Variants in GRM8 observed in about 807,000 individuals in gnomAD.
GRM8 encodes metabotropic glutamate receptor 8.
A neutral mutation model predicts 87.2 loss-of-function variants in GRM8; 47 were observed. That is an observed-to-expected ratio of 0.54 (90% CI 0.43 to 0.69). The LOEUF is 0.69. GRM8 is among the 30% of genes least tolerant of loss of function. GRM8 has a pLI of 0.00. For missense variants in GRM8, 1,019 were observed against 1,139.2 expected (o/e 0.89, Z 1.52); for synonymous variants, 396 against 404.5 (o/e 0.98, Z 0.25).
chr7:127,243,004 C>T lies in GRM8; in HGVS notation c.201G>A (p.Leu67=). ...KGERGVPCGE[L]KKEKGIHRLE... is the part of the protein sequence containing the mutation. ...GTCTGTGAATCCCCTTTTCCTTCTT[C>T]AGCTCCCCACAAGGCACCCCTCTCT... Residue 67 remains leucine, a synonymous_variant, in exon 2 of 11, where the codon CTG becomes CTA. Coordinates refer to ENST00000339582, the MANE Select transcript of GRM8 (RefSeq NM_000845.3). 6.2e-7 allele frequency: 1 copy of T among 1,614,094 alleles called. No individual in the cohort carries two copies. The highest frequency in any genetic ancestry group is 2.2e-5 in the East Asian group (1 of 44,878).
intron 7 of GRM8, among the ~76,000 whole-genome samples, chr7:126,748,561 A>G (rs1815987728): frequency 6.6e-6 from 1 of 151,098 alleles, no homozygotes. Context: ...CTCCAAATCT[A>G]TAGATTCAAT....
intron 2 of GRM8, among the ~76,000 whole-genome samples, chr7:127,224,494 A>G (rs764621762): frequency 6.6e-6 from 1 of 152,218 alleles, no homozygotes; most frequent in Non-Finnish European, 1.5e-5. Context: ...AAGAAAAACT[A>G]AGAGGATTTG....
Position 127,252,723 on chromosome 7 carries a change from A to C in GRM8, c.-312+74T>G, listed in dbSNP as rs1160044594. ...GGCGTTTTGGGGAAGTTTGGGGGCC[A>C]GGGGCTTTTTGTCCCGTGGTTCGGC... On this transcript the variant is annotated intron_variant, in intron 1 of 10. Coordinates refer to ENST00000339582, the MANE Select transcript of GRM8 (RefSeq NM_000845.3). This position sits in a 1 kb window ranked among gnomAD's most constrained non-coding sequence, Gnocchi z 4.9. The C allele has an allele frequency of 1.3e-5, 2 of 154,100 alleles. No individual in the cohort carries two copies. Among genetic ancestry groups the C allele is most frequent in the African/African-American group, 4.8e-5 (2 of 41,466 alleles). The allele number at this position is 154,100 out of a possible 1,614,324, so 9.5% of individuals were successfully genotyped here. A position where few individuals can be genotyped will look rare whatever the true frequency, so the allele number is the denominator to read the frequency against.
In GRM8 at chr7:126,439,129, T is replaced by G. The variant is rs1563006257; in HGVS notation, c.2717A>C (p.His906Pro). ...TGCCATTTCCCTGTTTCAGATTGAA[T>G]GATTGCTGTAACTGATATATGTTGT... ...TKTTYISYSN[H>P]SI The change falls in exon 11 of 11, where the codon CAT becomes CCT. Residue 906 changes from histidine to proline, a missense_variant. His to Pro is a moderately conservative substitution (Grantham distance 77, BLOSUM62 -2). Coordinates refer to ENST00000339582, the MANE Select transcript of GRM8 (RefSeq NM_000845.3). 1 of 1,573,788 alleles carries G rather than the reference T, an allele frequency of 6.4e-7. No homozygotes were observed. The highest frequency in any genetic ancestry group is 1.1e-5 in the South Asian group (1 of 90,268).
chr7:126,617,233 A>G (rs537908556), intron 7 of GRM8, among the ~76,000 whole-genome samples: 2 of 152,366 alleles, frequency 1.3e-5, no homozygotes, highest in African/African-American at 4.8e-5. Context: ...TACGAAAATC[A>G]ATAAACGTAA....
At chr7:126,995,544 A>G (rs540619199) in intron 3 of GRM8, among the ~76,000 whole-genome samples, 1 of 152,254 alleles carries the variant, frequency 6.6e-6, no homozygotes, top group African/African-American at 2.4e-5. Flanking sequence ...CAGAAATTCT[A>G]TAGTTGAAAA....
chr7:127,205,942 C>T (rs1402905362), intron 2 of GRM8, among the ~76,000 whole-genome samples: 3 of 152,164 alleles, frequency 2.0e-5, no homozygotes, highest in Non-Finnish European at 4.4e-5. Context: ...TTATCTCTTA[C>T]AACCACATCC....
intron 7 of GRM8, among the ~76,000 whole-genome samples, chr7:126,636,885 C>CT (rs1801910778): frequency 6.6e-6 from 1 of 151,900 alleles, no homozygotes; most frequent in African/African-American, 2.4e-5. Context: ...TATTTAGGTT[C>CT]TTTTTTCATT....
intron 8 of GRM8, among the ~76,000 whole-genome samples, chr7:126,598,239 G>A (rs1284804189): frequency 6.6e-6 from 1 of 151,274 alleles, no homozygotes; most frequent in African/African-American, 2.4e-5. Context: ...TTTTTATAAT[G>A]ATAGGTTTTT....
At chr7:126,749,862 CA>C (rs1816209617) in intron 7 of GRM8, among the ~76,000 whole-genome samples, 1 of 152,178 alleles carries the variant, frequency 6.6e-6, no homozygotes, top group African/African-American at 2.4e-5. Context: ...AGGAGTACAG[CA>C]ACTGAAACTG....
chr7:127,247,706 T>C (rs559773534), intron 1 of GRM8, among the ~76,000 whole-genome samples: 2 of 152,318 alleles, frequency 1.3e-5, no homozygotes, highest in South Asian at 4.1e-4. Context: ...CACCCCTATG[T>C]GCTTCCATTT....
intron 2 of GRM8, among the ~76,000 whole-genome samples, chr7:127,230,540 G>T (rs1000218639): frequency 1.3e-5 from 2 of 152,076 alleles, no homozygotes; most frequent in East Asian, 3.9e-4. Flanking sequence ...TTGTGCTATA[G>T]AATGAATGTG....
At position 126,720,657 on chromosome 7, in the gene GRM8, T is replaced by TAAG. The variant is rs1011728016; in HGVS notation, c.1357+49207_1357+49208insCTT. 2.8e-3 allele frequency among the ~76,000 whole-genome samples: 430 copies of TAAG among 152,324 alleles called. 7 individuals are homozygous for TAAG. Among genetic ancestry groups the TAAG allele is most frequent in the African/African-American group, 9.8e-3 (409 of 41,582 alleles). On this transcript the variant is annotated intron_variant, in intron 7 of 10. Transcript: ENST00000339582. ...TTTACAATTCCAAGATTCATAATTC[T>TAAG]AATATACTAATAAAATATAAAACTT... is the stretch of plus-strand genomic sequence containing the variant.
intron 8 of GRM8, 140 bp downstream of exon 8, chr7:126,609,222 T>A (rs1798667718): frequency 1.8e-6 from 1 of 553,736 alleles, no homozygotes; most frequent in Non-Finnish European, 3.1e-6. Flanking sequence ...CATTTTTAAA[T>A]TGAAGAGAGA....
intron 3 of GRM8, among the ~76,000 whole-genome samples, chr7:127,036,832 G>A (rs1045696785): frequency 1.3e-4 from 20 of 152,034 alleles, no homozygotes; most frequent in Admixed American, 1.2e-3. Flanking sequence ...TGGATCCTAC[G>A]GCATTTTCAA....
chr7:126,451,641 A>G lies in GRM8; in HGVS notation c.2431-5269T>C, dbSNP rs189777011. 6.4e-3 allele frequency among the ~76,000 whole-genome samples: 965 copies of G among 151,848 alleles called. 5 individuals are homozygous for G. Among genetic ancestry groups the G allele is most frequent in the Non-Finnish European group, 9.8e-3 (666 of 67,844 alleles). On this transcript the variant is annotated intron_variant, in intron 9 of 10. Transcript: ENST00000339582. Reference sequence around the variant, plus strand: ...ACTTCCCATTGATTGTATCTTGACAATGGTCCACAAGATCCTCTGAGAACT... The same window carrying G: ...ACTTCCCATTGATTGTATCTTGACAGTGGTCCACAAGATCCTCTGAGAACT...
chr7:127,013,517 TGGGGATG>T (rs56183037), intron 3 of GRM8, among the ~76,000 whole-genome samples: 11 of 46,858 alleles, frequency 2.3e-4, no homozygotes, highest in African/African-American at 8.4e-4. Flanking sequence ...GGCTCTCTGG[TGGGGATG>T]GGGGATGGGG....
chr7:126,904,100 A>G lies in GRM8; in HGVS notation c.890T>C (p.Leu297Pro). The stretch of plus-strand genomic sequence containing the variant: ...CCAGAGAAAATGCCCACTTTGGTTT[A>G]GTTTTTTTGCTGCTTCCAATATCCT... ...IRRILEAAKK[L>P]NQSGHFLWIG... is the part of the protein sequence containing the mutation. The change falls in exon 5 of 11, where the codon CTA (leucine) becomes CCA (proline). Residue 297 changes from leucine (L) to proline (P), a missense_variant. By Grantham distance (98) the Leu-to-Pro change is moderately conservative. Transcript: ENST00000339582. 1 of 1,611,886 alleles carries G rather than the reference A, an allele frequency of 6.2e-7. No individual in the cohort carries two copies. Among genetic ancestry groups the G allele is most frequent in the African/African-American group, 1.3e-5 (1 of 74,872 alleles).
At chr7:126,827,119 C>A (rs1563224455) in intron 6 of GRM8, among the ~76,000 whole-genome samples, 1 of 152,126 alleles carries the variant, frequency 6.6e-6, no homozygotes, top group Non-Finnish European at 1.5e-5. Context: ...GTTACTGTAG[C>A]CTTGTAGTAT....
Sources: allele counts gnomAD v4.1 joint callset (sites outside exome capture counted in the v4.1 genomes callset), GRCh38; gene constraint gnomAD v4.1.1; non-coding constraint Gnocchi (gnomAD v3.1); transcripts MANE v1.5; gene names NCBI Gene and HGNC (gene_info 2026-07-23, HGNC 2026-07-21).